Variants in SHPK observed in about 807,000 individuals in gnomAD.
The protein encoded by SHPK is sedoheptulokinase, also known as carbohydrate kinase-like protein.
A neutral mutation model predicts 46.3 loss-of-function variants in SHPK; 51 were observed. The observed-to-expected ratio is 1.10, with a 90% CI of 0.88 to 1.39. The LOEUF is 1.39. Ranked by LOEUF, SHPK falls within the 40% of genes most tolerant of loss-of-function variation. The pLI is 0.00. For missense variants in SHPK, 668 were observed against 641.3 expected (o/e 1.04, Z -0.45); for synonymous variants, 290 against 273.9 (o/e 1.06, Z -0.58).
intron 1 of SHPK, among the ~76,000 whole-genome samples, chr17:3,633,623 A>T (rs1243728206): frequency 1.1e-4 from 17 of 152,220 alleles, no homozygotes; most frequent in Non-Finnish European, 5.9e-5. Flanking sequence ...TAGGTGTGAC[A>T]CACTGGGTGA....
chr17:3,623,454 T>C lies in SHPK; in HGVS notation c.532A>G (p.Ile178Val). 4 of 1,614,156 alleles carry C rather than the reference T, an allele frequency of 2.5e-6. No individual in the cohort carries two copies. The highest frequency in any genetic ancestry group is 3.4e-6 in the Non-Finnish European group (4 of 1,179,966). ...AGCATGGCAACCACATAGTCGTGGA[T>C]GGTACCGGCTGCGTCGTAGGACTTC... Reference protein sequence around the residue: ...FLKSYDAAGTIHDYVVAMLCG... With the variant: ...FLKSYDAAGTVHDYVVAMLCG... The change falls in exon 4 of 7, where the codon ATC (isoleucine) becomes GTC (valine). Residue 178 changes from isoleucine to valine, a missense_variant. Ile to Val is a conservative substitution (Grantham distance 29). Coordinates refer to ENST00000225519, the MANE Select transcript of SHPK (RefSeq NM_013276.4).
chr17:3,611,085 G>A (rs773755699), intron 6 of SHPK, 113 bp from the exon 7 acceptor site: 77 of 1,003,186 alleles, frequency 7.7e-5, no homozygotes, highest in Admixed American at 2.8e-4. Context: ...TTCTCCTCCC[G>A]CTGCAGCTGG....
intron 5 of SHPK, among the ~76,000 whole-genome samples, chr17:3,618,711 C>T (rs752363611): frequency 2.0e-5 from 3 of 151,348 alleles, no homozygotes; most frequent in Admixed American, 6.6e-5. Context: ...ACTCAGGAGG[C>T]GGAGGTTGCA....
intron 2 of SHPK, among the ~76,000 whole-genome samples, chr17:3,627,232 T>G (rs2075443835): frequency 6.6e-6 from 1 of 152,166 alleles, no homozygotes; most frequent in South Asian, 2.1e-4. Flanking sequence ...TGCTCGCCTT[T>G]TAGCTTTCTT....
intron 1 of SHPK, among the ~76,000 whole-genome samples, chr17:3,631,061 C>T (rs528083326): frequency 2.6e-5 from 4 of 152,180 alleles, no homozygotes; most frequent in East Asian, 2.0e-4. Flanking sequence ...GAAAACCTCT[C>T]GCTTGCCCCT....
Position 3,609,016 on chromosome 17 carries a change from T to C in SHPK, c.*1544A>G. On this transcript the variant is annotated 3_prime_UTR_variant, in exon 7 of 7. Transcript: ENST00000225519. ...AAGTGATTTTCCTGCCTCAGCCTCC[T>C]GAGTAGCTGGGATTACAGGCATGCG... The C allele has an allele frequency of 6.6e-6, 1 of 152,490 alleles. No homozygotes were observed. The highest frequency in any genetic ancestry group is 1.5e-5 in the Non-Finnish European group (1 of 68,152). 9.4% of individuals were successfully genotyped at this position (152,490 alleles called of 1,614,324 possible).
intron 2 of SHPK, among the ~76,000 whole-genome samples, chr17:3,626,766 T>G: frequency 6.7e-6 from 1 of 149,906 alleles, no homozygotes; most frequent in Admixed American, 6.7e-5. Context: ...GGCGGGTGCC[T>G]GTAGTAACAG....
At chr17:3,629,978 G>A (rs771423522) in intron 2 of SHPK, among the ~76,000 whole-genome samples, 24 of 152,224 alleles carry the variant, frequency 1.6e-4, no homozygotes, top group African/African-American at 4.1e-4. Flanking sequence ...CTGCCTGTTC[G>A]TGGATAACGT....
At position 3,615,543 on chromosome 17, in the gene SHPK, G is replaced by C; in HGVS notation, c.824-6C>G. ...CGAGGTGCTGATGTTGAGAACTGGG[G>C]TCCGAAGAGAGCAGAGCTTAGGCCT... is the stretch of plus-strand genomic sequence containing the variant. On this transcript the variant is annotated splice_polypyrimidine_tract_variant and splice_region_variant and intron_variant, in intron 5 of 6. Transcript: ENST00000225519. 1 of 1,613,882 alleles carries C rather than the reference G, an allele frequency of 6.2e-7. No individual in the cohort carries two copies. Among genetic ancestry groups the C allele is most frequent in the South Asian group, 1.1e-5 (1 of 91,062 alleles).
At chr17:3,626,001 T>G (rs573833035) in intron 2 of SHPK, among the ~76,000 whole-genome samples, 1 of 152,054 alleles carries the variant, frequency 6.6e-6, no homozygotes, top group East Asian at 1.9e-4. Context: ...TGCAGTGAGC[T>G]GAGATCGCAC....
chr17:3,611,158 G>T (rs761454679), intron 6 of SHPK, among the ~76,000 whole-genome samples, 186 bp from the exon 7 acceptor site: 1 of 152,174 alleles, frequency 6.6e-6, no homozygotes, highest in Non-Finnish European at 1.5e-5. Context: ...ATCCCCGCCC[G>T]CTGTCTCAGT....
chr17:3,624,379 G>A, intron 2 of SHPK, 148 bp from the exon 3 acceptor site: 3 of 717,936 alleles, frequency 4.2e-6, no homozygotes, highest in Non-Finnish European at 6.8e-6. Flanking sequence ...TGATAGCACT[G>A]GCTTTAGTAC....
In SHPK at chr17:3,623,471, TAGG is replaced by T; in HGVS notation, c.512_514del (p.Ser171del). 6.2e-7 allele frequency: 1 copy of T among 1,614,148 alleles called. No individual in the cohort carries two copies. Among genetic ancestry groups the T allele is most frequent in the Non-Finnish European group, 8.5e-7 (1 of 1,179,992 alleles). On this transcript the variant is annotated inframe_deletion, in exon 4 of 7. Transcript: ENST00000225519. Reference sequence around the variant, plus strand: ...GTCGTGGATGGTACCGGCTGCGTCGTAGGACTTCAGGAACTCTGGGCTGTTTTT... The same window carrying T: ...GTCGTGGATGGTACCGGCTGCGTCGTACTTCAGGAACTCTGGGCTGTTTTT...
chr17:3,623,876 C>T (rs186559342), intron 3 of SHPK, among the ~76,000 whole-genome samples, 172 bp downstream of exon 3: 2 of 152,310 alleles, frequency 1.3e-5, no homozygotes, highest in Admixed American at 6.5e-5. Flanking sequence ...GAGCCCTCTG[C>T]AAAAGGACGT....
chr17:3,635,720 G>C (rs962177615), intron 1 of SHPK, among the ~76,000 whole-genome samples: 1 of 152,164 alleles, frequency 6.6e-6, no homozygotes. Flanking sequence ...AGGGAGGCCT[G>C]TGGTCATTCC....
chr17:3,617,065 T>A (rs1278938842), intron 5 of SHPK, among the ~76,000 whole-genome samples: 1 of 151,998 alleles, frequency 6.6e-6, no homozygotes, highest in Admixed American at 6.6e-5. Flanking sequence ...AGAGATGGGG[T>A]TTCACCATGT....
At chr17:3,626,487 G>A (rs893890631) in intron 2 of SHPK, among the ~76,000 whole-genome samples, 8 of 151,930 alleles carry the variant, frequency 5.3e-5, no homozygotes, top group Admixed American at 2.0e-4. Flanking sequence ...AGTATGAGGC[G>A]GGTGGATCAC....
rs2075324144 is a variant in SHPK at position 3,609,655 on chromosome 17, C to G, written c.*905G>C. 2 of 152,356 alleles carry G rather than the reference C, an allele frequency of 1.3e-5. No homozygotes were observed. Among genetic ancestry groups the G allele is most frequent in the South Asian group, 4.1e-4 (2 of 4,838 alleles). The allele number at this position is 152,356 out of a possible 1,614,324, so 9.4% of individuals were successfully genotyped here. A position where few individuals can be genotyped will look rare whatever the true frequency, so the allele number is the denominator to read the frequency against. ...AGTTCTCTTTGAATAAACTACCTGC[C>G]CCATCTGGCAGGAGTCTGCCTGGCT... On this transcript the variant is annotated 3_prime_UTR_variant, in exon 7 of 7. Transcript: ENST00000225519.
chr17:3,628,714 TCACAG>T lies in SHPK; in HGVS notation c.310+1486_310+1490del, dbSNP rs2075453252. Among the ~76,000 whole-genome samples the T allele has an allele frequency of 2.6e-5, 4 of 152,152 alleles. No homozygotes were observed. In the South Asian group the frequency reaches 8.3e-4, roughly 32 times the overall value. On this transcript the variant is annotated intron_variant, in intron 2 of 6. Coordinates refer to ENST00000225519, the MANE Select transcript of SHPK (RefSeq NM_013276.4). ...CCCATGCTGGAGTGCAGTGGAGCAA[TCACAG>T]CTCACTGCAGCCTCAACCTCCAGGA...
Sources: allele counts gnomAD v4.1 joint callset (sites outside exome capture counted in the v4.1 genomes callset), GRCh38; gene constraint gnomAD v4.1.1; transcripts MANE v1.5; gene names NCBI Gene and HGNC (gene_info 2026-07-23, HGNC 2026-07-21).